The following SNTG1 variants were observed in gnomAD, a reference collection of about 807,000 sequenced individuals.
The protein encoded by SNTG1 is gamma-1-syntrophin.
In SNTG1, 39 loss-of-function variants were observed where a neutral mutation model predicts 74.7. That is an observed-to-expected ratio of 0.52 (90% CI 0.40 to 0.68). The LOEUF is 0.68. Ranked by LOEUF, SNTG1 falls within the 30% of genes least tolerant of loss-of-function variation. The pLI is 0.00. For synonymous variants in SNTG1, 254 were observed against 217.1 expected, an observed-to-expected ratio of 1.17 and a Z score of -1.49; for missense variants, 685 against 609.5, an observed-to-expected ratio of 1.12 and a Z score of -1.30.
At chr8:50,319,768 A>G (rs1462461377) in intron 2 of SNTG1, among the ~76,000 whole-genome samples, 1 of 152,192 alleles carries the variant, frequency 6.6e-6, no homozygotes, top group Non-Finnish European at 1.5e-5. Context: ...CTTTTTCACC[A>G]TCAGTTGAAA....
chr8:50,146,307 C>G (rs1470993055), intron 1 of SNTG1, among the ~76,000 whole-genome samples: 1 of 151,976 alleles, frequency 6.6e-6, no homozygotes. Flanking sequence ...CACCTGAGGT[C>G]AGGAGTTCGC....
intron 1 of SNTG1, among the ~76,000 whole-genome samples, chr8:50,089,829 C>G (rs1274448061): frequency 6.6e-6 from 1 of 152,110 alleles, no homozygotes; most frequent in Non-Finnish European, 1.5e-5. Context: ...CTAGTTCAAC[C>G]ATTGTGGAAG....
At chr8:50,278,960 C>A (rs1261863148) in intron 2 of SNTG1, among the ~76,000 whole-genome samples, 1 of 152,030 alleles carries the variant, frequency 6.6e-6, no homozygotes, top group African/African-American at 2.4e-5. Flanking sequence ...TTGATATTGT[C>A]ATTGTTACAA....
chr8:50,462,777 C>G (rs954017034), intron 8 of SNTG1, among the ~76,000 whole-genome samples: 1 of 136,174 alleles, frequency 7.3e-6, no homozygotes, highest in Non-Finnish European at 1.5e-5. Context: ...GCAACTCAGT[C>G]GCATCTTCAG....
intron 1 of SNTG1, among the ~76,000 whole-genome samples, chr8:50,161,880 A>T (rs750918148): frequency 6.6e-6 from 1 of 152,234 alleles, no homozygotes; most frequent in Non-Finnish European, 1.5e-5. Flanking sequence ...AAAAAACACA[A>T]TTCATTCCCT....
At chr8:50,411,340 C>T (rs1055894120) in intron 4 of SNTG1, among the ~76,000 whole-genome samples, 2 of 151,348 alleles carry the variant, frequency 1.3e-5, no homozygotes, top group African/African-American at 4.9e-5. Flanking sequence ...GCCCGCTACT[C>T]AGGAGGCTGA....
In SNTG1 at chr8:50,309,715, C is replaced by T. The variant is rs1052612088; in HGVS notation, c.-27-84497C>T. 4.6e-5 allele frequency among the ~76,000 whole-genome samples: 7 copies of T among 152,234 alleles called. No individual in the cohort carries two copies. In the East Asian group the frequency reaches 1.4e-3, roughly 29 times the overall value. ...TTTTAAAGAAGAGTGACATTGGCTT[C>T]TGAGAGACGAAGTGGAGATTAAAGG... On this transcript the variant is annotated intron_variant, in intron 2 of 18. Transcript: ENST00000642720.
chr8:50,583,492 G>T (rs1028979938), intron 12 of SNTG1, among the ~76,000 whole-genome samples: 3 of 151,442 alleles, frequency 2.0e-5, no homozygotes, highest in African/African-American at 7.3e-5. Flanking sequence ...GAGCTGCAAA[G>T]CCCTCTGTCA....
chr8:50,204,839 G>T (rs1477333535), intron 2 of SNTG1, among the ~76,000 whole-genome samples: 1 of 152,064 alleles, frequency 6.6e-6, no homozygotes, highest in African/African-American at 2.4e-5. Flanking sequence ...CTGTCCTTGT[G>T]AGAGTTTGCT....
intron 2 of SNTG1, among the ~76,000 whole-genome samples, chr8:50,221,851 T>A (rs1015892233): frequency 2.0e-5 from 3 of 152,118 alleles, no homozygotes; most frequent in African/African-American, 7.2e-5. Context: ...GGAATTGCAA[T>A]AGAGACAGTG....
intron 15 of SNTG1, among the ~76,000 whole-genome samples, chr8:50,669,337 A>G (rs1312308351): frequency 1.3e-5 from 2 of 152,190 alleles, no homozygotes; most frequent in African/African-American, 4.8e-5. Context: ...AAATAGACGC[A>G]ATAAAAAATG....
intron 8 of SNTG1, among the ~76,000 whole-genome samples, chr8:50,483,260 T>C (rs1238759278): frequency 6.6e-6 from 1 of 152,230 alleles, no homozygotes; most frequent in Non-Finnish European, 1.5e-5. Context: ...CAGACCTCTC[T>C]GAAGGCTGAA....
intron 4 of SNTG1, among the ~76,000 whole-genome samples, chr8:50,427,462 C>T (rs117087547): frequency 0.019 from 2,897 of 152,186 alleles, 54 homozygotes; most frequent in South Asian, 0.08. Flanking sequence ...CGGGGTCTCC[C>T]TCTGTTACCA....
chr8:50,276,404 T>C (rs1364354629), intron 2 of SNTG1, among the ~76,000 whole-genome samples: 1 of 113,610 alleles, frequency 8.8e-6, no homozygotes, highest in Non-Finnish European at 2.0e-5. Flanking sequence ...TATATATATA[T>C]ATATAAATCA....
rs1273266581 is a variant in SNTG1, at chr8:50,794,318, T to C, written c.*1489T>C. The C allele has an allele frequency of 6.6e-6, 1 of 151,888 alleles. No individual in the cohort carries two copies. Among genetic ancestry groups the C allele is most frequent in the Non-Finnish European group, 1.5e-5 (1 of 67,908 alleles). 9.4% of individuals were successfully genotyped at this position (151,888 alleles called of 1,614,324 possible). A position where few individuals can be genotyped will look rare whatever the true frequency, so the allele number is the denominator to read the frequency against. On this transcript the variant is annotated 3_prime_UTR_variant, in exon 19 of 19. Transcript: ENST00000642720. Reference sequence around the variant, plus strand: ...ACTAATTTAAAAAATTAATATCAAGTTGTTTTTATACTCATGATTCATTAA... The same window carrying C: ...ACTAATTTAAAAAATTAATATCAAGCTGTTTTTATACTCATGATTCATTAA...
At chr8:50,356,543 TG>T (rs1413458404) in intron 2 of SNTG1, among the ~76,000 whole-genome samples, 2 of 152,196 alleles carry the variant, frequency 1.3e-5, no homozygotes, top group African/African-American at 2.4e-5. Context: ...TTCTGGAGTC[TG>T]GGAAGCCCAA....
chr8:50,376,641 TG>T, intron 2 of SNTG1, among the ~76,000 whole-genome samples: 1 of 150,654 alleles, frequency 6.6e-6, no homozygotes, highest in Non-Finnish European at 1.5e-5. Context: ...ATATATTTTT[TG>T]CCTGCTTCCA....
At chr8:49,976,438 G>A (rs1180602330) in intron 1 of SNTG1, among the ~76,000 whole-genome samples, 2 of 152,156 alleles carry the variant, frequency 1.3e-5, no homozygotes, top group Non-Finnish European at 2.9e-5. Flanking sequence ...TGAATAAGCA[G>A]ATAGTTCCCT....
intron 1 of SNTG1, among the ~76,000 whole-genome samples, chr8:49,941,748 T>C (rs890845992): frequency 6.6e-6 from 1 of 152,024 alleles, no homozygotes; most frequent in African/African-American, 2.4e-5. Context: ...AAGTCTCTAA[T>C]TGAAGGGTAG....
Sources: gnomAD v4.1 joint callset for allele counts (sites outside exome capture counted in the v4.1 genomes callset) on GRCh38, gnomAD v4.1.1 for gene constraint, MANE v1.5 for transcripts, NCBI Gene and HGNC (gene_info 2026-07-23, HGNC 2026-07-21) for gene names.